The following CNKSR2 variants were observed in gnomAD, a reference collection of about 807,000 sequenced individuals.
The protein encoded by CNKSR2 is CNK homolog protein 2.
A neutral mutation model predicts 84.4 loss-of-function variants in CNKSR2; 14 were observed. The observed-to-expected ratio is 0.17, with a 90% CI of 0.11 to 0.26. The LOEUF is 0.26. CNKSR2 is among the 10% of genes least tolerant of loss of function. The probability of loss-of-function intolerance (pLI) is 1.00; values close to 1 mark genes in which losing one functional copy is unlikely to be tolerated. For synonymous variants in CNKSR2, 275 were observed against 277.9 expected (o/e 0.99, Z 0.10); for missense variants, 485 against 771.2 (o/e 0.63, Z 4.40).
At chrX:21,512,748 G>A (rs1466549162) in intron 8 of CNKSR2, among the ~76,000 whole-genome samples, 1 of 107,077 alleles carries the variant, frequency 9.3e-6, no homozygotes, top group African/African-American at 3.8e-5. Flanking sequence ...GGATGATAGG[G>A]AGGTTTTTTT....
In CNKSR2 at chrX:21,416,021, G is replaced by A. The variant is rs764454306; in HGVS notation, c.65-10476G>A. On this transcript the variant is annotated intron_variant, in intron 1 of 21. Coordinates refer to ENST00000379510, the MANE Select transcript of CNKSR2 (RefSeq NM_014927.5). ...CAGTGGGCATCTTTGTCGTGTTCCA[G>A]ATCTTGAAGGAAAGGCTTTCAGTTT... Among the ~76,000 whole-genome samples the A allele has an allele frequency of 2.7e-5, 3 of 110,828 alleles. No homozygotes were observed. In the East Asian group the frequency reaches 8.5e-4, roughly 32 times the overall value.
intron 4 of CNKSR2, among the ~76,000 whole-genome samples, chrX:21,456,262 C>G (rs2090994017): frequency 9.0e-6 from 1 of 111,238 alleles, no homozygotes; most frequent in Middle Eastern, 4.6e-3. Flanking sequence ...TAGCAAATGT[C>G]AAGCATGCAA....
chrX:21,645,354 A>G (rs936535065), intron 20 of CNKSR2: 1 of 112,296 alleles, frequency 8.9e-6, no homozygotes, highest in African/African-American at 3.2e-5. Context: ...ATTCAAAAGT[A>G]TGTAATCTGA....
Position 21,654,687 on chromosome X carries a change from G to C in CNKSR2, c.*2166G>C, listed in dbSNP as rs1425193891. 9.0e-6 allele frequency: 1 copy of C among 111,501 alleles called. No individual in the cohort carries two copies. Among genetic ancestry groups the C allele is most frequent in the Admixed American group, 9.5e-5 (1 of 10,493 alleles). 9.2% of individuals were successfully genotyped at this position (111,501 alleles called of 1,213,427 possible). ...AAGTCAAATAAATTCAGCTCTTAAT[G>C]AATCCTTATAAAGCACCTACTTTAT... On this transcript the variant is annotated 3_prime_UTR_variant, in exon 22 of 22. Transcript: ENST00000379510.
intron 4 of CNKSR2, among the ~76,000 whole-genome samples, chrX:21,459,468 T>C (rs751320830): frequency 1.1e-3 from 122 of 111,081 alleles, no homozygotes; most frequent in Non-Finnish European, 2.1e-3. Flanking sequence ...TTCAGTCAGC[T>C]AGTCTCCTTT....
intron 13 of CNKSR2, among the ~76,000 whole-genome samples, chrX:21,589,093 T>C (rs2092405092): frequency 8.9e-6 from 1 of 112,494 alleles, no homozygotes; most frequent in Non-Finnish European, 1.9e-5. Context: ...TCTATAACCA[T>C]GCATGCTGCA....
chrX:21,601,197 A>G (rs749153995), intron 17 of CNKSR2, 85 bp from the exon 18 acceptor site: 105 of 548,507 alleles, frequency 1.9e-4, no homozygotes, highest in Non-Finnish European at 3.0e-4. Context: ...GTATATTCTT[A>G]GACATTTTAA....
chrX:21,626,070 A>T (rs1230540342), intron 20 of CNKSR2, among the ~76,000 whole-genome samples: 1 of 110,949 alleles, frequency 9.0e-6, no homozygotes, highest in East Asian at 2.8e-4. Context: ...GTAACTGTAC[A>T]GTATATTAGA....
chrX:21,421,670 T>A (rs191678611), intron 1 of CNKSR2, among the ~76,000 whole-genome samples: 2 of 111,543 alleles, frequency 1.8e-5, no homozygotes, highest in African/African-American at 6.5e-5. Context: ...ATCTTTTTTT[T>A]ATTTTATATT....
At chrX:21,495,180 G>C (rs1168887457) in intron 6 of CNKSR2, 3 of 111,749 alleles carry the variant, frequency 2.7e-5, no homozygotes, top group African/African-American at 9.8e-5. Flanking sequence ...GAGCCCAGTG[G>C]TTGAGAGTGT....
chrX:21,495,312 C>T (rs2091482266), intron 6 of CNKSR2: 1 of 111,558 alleles, frequency 9.0e-6, no homozygotes, highest in Non-Finnish European at 1.9e-5. Context: ...GTTTCCACTA[C>T]ATAGACTATT....
chrX:21,593,238 A>C (rs368507330), intron 15 of CNKSR2: 2 of 111,970 alleles, frequency 1.8e-5, no homozygotes, highest in East Asian at 5.6e-4. Context: ...AAAAGGATTT[A>C]AAAATACTGT....
At chrX:21,410,323 G>C (rs759586345) in intron 1 of CNKSR2, among the ~76,000 whole-genome samples, 3 of 110,952 alleles carry the variant, frequency 2.7e-5, no homozygotes, top group Non-Finnish European at 5.7e-5. Flanking sequence ...TTAGAAATTT[G>C]TAATTAATTT....
intron 13 of CNKSR2, among the ~76,000 whole-genome samples, chrX:21,569,650 C>T (rs940341799): frequency 8.9e-6 from 1 of 112,076 alleles, no homozygotes; most frequent in African/African-American, 3.2e-5. Context: ...ATTCTTTCGA[C>T]AAGGTTTTCA....
intron 20 of CNKSR2, among the ~76,000 whole-genome samples, chrX:21,611,341 G>A (rs768323847): frequency 4.5e-5 from 5 of 112,310 alleles, no homozygotes; most frequent in Non-Finnish European, 9.4e-5. Context: ...GATAAACTGT[G>A]TTGAAATTAG....
At chrX:21,525,011 T>C (rs1192133599) in intron 9 of CNKSR2, among the ~76,000 whole-genome samples, 1 of 110,940 alleles carries the variant, frequency 9.0e-6, no homozygotes, top group Admixed American at 9.6e-5. Flanking sequence ...ATTTCTATTA[T>C]GGTGAACTTT....
chrX:21,516,757 T>C lies in CNKSR2; in HGVS notation c.957+126T>C, dbSNP rs1040231023. 3 of 586,994 alleles carry C rather than the reference T, an allele frequency of 5.1e-6. No homozygotes were observed. The African/African-American group carries it at 7.0e-5, about 14-fold the overall frequency. The allele number at this position is 586,994 out of a possible 1,213,427, so 48.4% of individuals were successfully genotyped here. ...TCTTGTATGCTTTTGAAAAGTTGTTTGTGAAATGATCTCTTCACAGCTATT... is the reference window on the plus strand; with the variant it reads ...TCTTGTATGCTTTTGAAAAGTTGTTCGTGAAATGATCTCTTCACAGCTATT... On this transcript the variant is annotated intron_variant, in intron 9 of 21. Transcript: ENST00000379510.
At chrX:21,563,543 T>G (rs773387765) in intron 13 of CNKSR2, 91 bp downstream of exon 13, 1 of 641,931 alleles carries the variant, frequency 1.6e-6, no homozygotes, top group Non-Finnish European at 2.3e-6. Flanking sequence ...ATTTTTATCC[T>G]TTTACTAGAT....
chrX:21,412,080 C>T (rs762218714), intron 1 of CNKSR2, among the ~76,000 whole-genome samples: 1 of 112,020 alleles, frequency 8.9e-6, no homozygotes, highest in South Asian at 3.7e-4. Flanking sequence ...GAATAAAGAA[C>T]AGGCAGTTAT....
Sources: allele counts gnomAD v4.1 joint callset (sites outside exome capture counted in the v4.1 genomes callset), GRCh38; gene constraint gnomAD v4.1.1; transcripts MANE v1.5; gene names NCBI Gene and HGNC (gene_info 2026-07-23, HGNC 2026-07-21).